Variants in NLRC5 observed in about 807,000 individuals in gnomAD.
NLRC5 encodes the protein protein NLRC5.
A neutral mutation model predicts 206.9 loss-of-function variants in NLRC5; 114 were observed. That is an observed-to-expected ratio of 0.55 (90% CI 0.47 to 0.64). The LOEUF (loss-of-function observed/expected upper bound fraction) is 0.64. Among genes scored for constraint, NLRC5 ranks in the 30% least tolerant of loss-of-function variants. The pLI is 0.00. For missense variants in NLRC5, 2,008 were observed against 2,305.5 expected, an observed-to-expected ratio of 0.87 and a Z score of 2.64; for synonymous variants, 952 against 962.8, an observed-to-expected ratio of 0.99 and a Z score of 0.21.
At position 57,043,571 on chromosome 16, in the gene NLRC5, C is replaced by T; in HGVS notation, c.3170C>T (p.Ser1057Phe). 6.2e-7 allele frequency: 1 copy of T among 1,614,132 alleles called. No homozygotes were observed. Among genetic ancestry groups the T allele is most frequent in the South Asian group, 1.1e-5 (1 of 91,080 alleles). ...DAVLGLVRCFSTLQWLFRLDI... is the reference protein window; with the variant it reads ...DAVLGLVRCFFTLQWLFRLDI... Reference sequence around the variant, plus strand: ...GTGTTGGGTTTGGTTCGGTGCTTCTCCACTCTGCAGTGGCTCTTCCGCTTG... The same window carrying T: ...GTGTTGGGTTTGGTTCGGTGCTTCTTCACTCTGCAGTGGCTCTTCCGCTTG... The change falls in exon 20 of 49, where the codon TCC (serine) becomes TTC (phenylalanine). Residue 1057 changes from serine to phenylalanine, a missense_variant. Physicochemically the swap from Ser to Phe is radical, Grantham distance 155 (BLOSUM62 -2). Coordinates refer to ENST00000688547, the MANE Select transcript of NLRC5 (RefSeq NM_001384950.1).
At chr16:57,003,903 C>A (rs758906556) in intron 1 of NLRC5, 1 of 152,202 alleles carries the variant, frequency 6.6e-6, no homozygotes, top group Non-Finnish European at 1.5e-5. Context: ...ACCAGGGTCA[C>A]ACAGCTTTGG....
At chr16:57,042,516 A>C (rs2143730437) in intron 19 of NLRC5, among the ~76,000 whole-genome samples, 1 of 152,268 alleles carries the variant, frequency 6.6e-6, no homozygotes, top group Non-Finnish European at 1.5e-5. Flanking sequence ...AGTACCTGGC[A>C]GAGAGTGTGT....
At chr16:56,995,619 C>T (rs1315631215) in intron 1 of NLRC5, among the ~76,000 whole-genome samples, 3 of 152,222 alleles carry the variant, frequency 2.0e-5, no homozygotes, top group Admixed American at 6.5e-5. Context: ...CCTGTACCAT[C>T]GCCAGACCCT....
Position 57,028,335 on chromosome 16 carries a change from C to T in NLRC5, c.2193C>T (p.Ile731=), listed in dbSNP as rs1445766775. ...LAGSKITARG[I]SHLVKALPLC... is the part of the protein sequence containing the mutation. ...GAAGTAAAATCACTGCCCGAGGCAT[C>T]AGCCACCTGGTGAAAGCTTTGCCTC... is the stretch of plus-strand genomic sequence containing the variant. Residue 731 remains isoleucine (I), a synonymous_variant, in exon 8 of 49, where the codon ATC becomes ATT. Coordinates refer to ENST00000688547, the MANE Select transcript of NLRC5 (RefSeq NM_001384950.1). 6.2e-7 allele frequency: 1 copy of T among 1,614,200 alleles called. No individual in the cohort carries two copies.
At position 57,067,375 on chromosome 16, in the gene NLRC5, G is replaced by C. The variant is rs374518494; in HGVS notation, c.4323-12G>C. ...GATGTTCCAAAACTGTCGTCTCCCT[G>C]TCTGTGTCCAGGTTGGCTCACTGTG... is the stretch of plus-strand genomic sequence containing the variant. On this transcript the variant is annotated splice_polypyrimidine_tract_variant and intron_variant, in intron 34 of 48. Transcript: ENST00000688547. 5.0e-5 allele frequency: 80 copies of C among 1,613,524 alleles called. No individual in the cohort carries two copies. In the African/African-American group the frequency reaches 7.9e-4, roughly 16 times the overall value.
chr16:57,067,979 GGGT>G (rs2067244376), intron 36 of NLRC5, 151 bp downstream of exon 36: 1 of 637,416 alleles, frequency 1.6e-6, no homozygotes, highest in Non-Finnish European at 2.8e-6. Flanking sequence ...TGATTTTTAG[GGGT>G]ACCTAGTCGT....
rs199476024 is a variant in NLRC5 at position 57,082,773 on chromosome 16, C to T, written c.*245C>T. 8.7e-5 allele frequency: 35 copies of T among 403,620 alleles called. No individual in the cohort carries two copies. The highest frequency in any genetic ancestry group is 6.3e-4 in the African/African-American group (31 of 49,234). The allele number at this position is 403,620 out of a possible 1,614,324, so 25.0% of individuals were successfully genotyped here. A position where few individuals can be genotyped will look rare whatever the true frequency, so the allele number is the denominator to read the frequency against. ...ATATGTGTGATCAATTGGGGACATGCGACACACAATGAGGGTGTCATGACA... is the reference window on the plus strand; with the variant it reads ...ATATGTGTGATCAATTGGGGACATGTGACACACAATGAGGGTGTCATGACA... On this transcript the variant is annotated 3_prime_UTR_variant, in exon 49 of 49. Coordinates refer to ENST00000688547, the MANE Select transcript of NLRC5 (RefSeq NM_001384950.1).
chr16:57,043,485 C>A, intron 19 of NLRC5, 30 bp from the exon 20 acceptor site: 7 of 1,561,206 alleles, frequency 4.5e-6, no homozygotes, highest in Non-Finnish European at 5.3e-6. Context: ...TCCTGAGTGA[C>A]CTCCATTGTG....
At chr16:57,039,543 T>C (rs2063016761) in intron 15 of NLRC5, among the ~76,000 whole-genome samples, 1 of 132,584 alleles carries the variant, frequency 7.5e-6, no homozygotes, top group Non-Finnish European at 1.6e-5. Flanking sequence ...CAACATAGAC[T>C]GTCTCTACAT....
Position 57,029,944 on chromosome 16 carries a change from G to T in NLRC5, c.2328-51G>T, listed in dbSNP as rs564690679. The T allele has an allele frequency of 9.3e-6, 15 of 1,607,408 alleles. No homozygotes were observed. In the South Asian group the frequency reaches 1.6e-4, roughly 18 times the overall value. On this transcript the variant is annotated intron_variant, in intron 9 of 48. Transcript: ENST00000688547. ...CCTTGCAAGGCAAGGAAGGTCTGGG[G>T]CCCCTGGGGTAGGGGATTCCACTCC...
At position 57,072,711 on chromosome 16, in the gene NLRC5, A is replaced by AAATAC. The variant is rs1345587662; in HGVS notation, c.4668-1887_4668-1886insTACAA. 2.6e-5 allele frequency among the ~76,000 whole-genome samples: 4 copies of AAATAC among 152,248 alleles called. No homozygotes were observed. In the East Asian group the frequency reaches 7.7e-4, roughly 29 times the overall value. On this transcript the variant is annotated intron_variant, in intron 38 of 48. Coordinates refer to ENST00000688547, the MANE Select transcript of NLRC5 (RefSeq NM_001384950.1). ...TCTCTTAACTTTTTCTGATGACCAA[A>AAATAC]AAAGTTCCATCTTTCTAGAAATATG... is the stretch of plus-strand genomic sequence containing the variant.
chr16:57,041,283 C>A, intron 17 of NLRC5: 1 of 550,094 alleles, frequency 1.8e-6, no homozygotes, highest in Non-Finnish European at 3.3e-6. Flanking sequence ...TGTCTCTGCC[C>A]ACCCTCTGCC....
intron 17 of NLRC5, among the ~76,000 whole-genome samples, chr16:57,040,970 A>AC (rs2063209926): frequency 1.3e-5 from 2 of 151,538 alleles, no homozygotes; most frequent in Non-Finnish European, 2.9e-5. Context: ...TAGCTCCCTG[A>AC]CCCCCAGCAG....
rs533171843 is a variant in NLRC5 at position 57,037,222 on chromosome 16, C to T, written c.2739C>T (p.Ala913=). ...LDLSNNGLSV[A]GVHCVLRAVS... ...TCAGTAACAACGGGCTTTCTGTGGC[C>T]GGGGTGCATTGTGTGCTGAGGGCCG... Residue 913 remains alanine, a synonymous_variant, in exon 15 of 49, where the codon GCC becomes GCT. Coordinates refer to ENST00000688547, the MANE Select transcript of NLRC5 (RefSeq NM_001384950.1). The T allele has an allele frequency of 5.0e-6, 8 of 1,613,818 alleles. No homozygotes were observed. In the African/African-American group the frequency reaches 6.7e-5, roughly 13 times the overall value.
At chr16:56,996,200 A>T (rs1414361287) in intron 1 of NLRC5, among the ~76,000 whole-genome samples, 2 of 151,454 alleles carry the variant, frequency 1.3e-5, no homozygotes, top group African/African-American at 4.9e-5. Flanking sequence ...ACAAGGTCTC[A>T]CTCTGTCACC....
rs533534538 is a variant in NLRC5, at chr16:56,992,545, C to T, written c.-128+2928C>T. ...AGGCTGGAGTGCAGTGATATGATCT[C>T]GGCTCACAGCAACCTCCACCTCCCA... On this transcript the variant is annotated intron_variant, in intron 1 of 48. Coordinates refer to ENST00000688547, the MANE Select transcript of NLRC5 (RefSeq NM_001384950.1). 1.6e-4 allele frequency: 24 copies of T among 151,162 alleles called. No homozygotes were observed. In the South Asian group the frequency reaches 3.3e-3, roughly 21 times the overall value. The allele number at this position is 151,162 out of a possible 1,614,324, so 9.4% of individuals were successfully genotyped here. A position where few individuals can be genotyped will look rare whatever the true frequency, so the allele number is the denominator to read the frequency against.
intron 1 of NLRC5, among the ~76,000 whole-genome samples, chr16:57,005,786 G>C (rs1292988535): frequency 6.6e-6 from 1 of 151,862 alleles, no homozygotes; most frequent in Non-Finnish European, 1.5e-5. Context: ...TAGGTGTGGT[G>C]GTGTGCACTT....
chr16:57,025,264 C>A, intron 5 of NLRC5, 104 bp from the exon 6 acceptor site: 1 of 1,474,054 alleles, frequency 6.8e-7, no homozygotes. Flanking sequence ...ATCATACATA[C>A]ACATCTGGGG....
At chr16:57,013,839 C>G in intron 1 of NLRC5, 1 of 682,048 alleles carries the variant, frequency 1.5e-6, no homozygotes, top group Non-Finnish European at 2.7e-6. Context: ...GTTATTTCAT[C>G]CGATACTTTC....
Sources: gnomAD v4.1 joint callset for allele counts (sites outside exome capture counted in the v4.1 genomes callset) on GRCh38, gnomAD v4.1.1 for gene constraint, MANE v1.5 for transcripts, NCBI Gene and HGNC (gene_info 2026-07-23, HGNC 2026-07-21) for gene names.